Variants in IL1RAPL2 observed in about 807,000 individuals in gnomAD.
IL1RAPL2 encodes the protein X-linked interleukin-1 receptor accessory protein-like 2.
Under a neutral mutation model 44.1 loss-of-function variants are expected in IL1RAPL2, and 3 were observed. That is an observed-to-expected ratio of 0.07 (90% CI 0.03 to 0.18). The LOEUF is 0.18. Ranked by LOEUF, IL1RAPL2 falls within the 10% of genes least tolerant of loss-of-function variation. The probability of loss-of-function intolerance (pLI) is 1.00; values close to 1 mark genes in which losing one functional copy is unlikely to be tolerated. For missense variants in IL1RAPL2, 391 were observed against 496.4 expected (o/e 0.79, Z 2.02); for synonymous variants, 181 against 178.8 (o/e 1.01, Z -0.10).
chrX:105,075,774 A>G (rs10061220), intron 2 of IL1RAPL2, among the ~76,000 whole-genome samples: 3 of 110,970 alleles, frequency 2.7e-5, no homozygotes, highest in Non-Finnish European at 3.8e-5. Context: ...GTCTTGGGAG[A>G]GTGTATGTGT....
chrX:105,719,341 C>T (rs1272673613), intron 7 of IL1RAPL2, among the ~76,000 whole-genome samples: 5 of 111,660 alleles, frequency 4.5e-5, no homozygotes, highest in Non-Finnish European at 9.4e-5. Context: ...CAATAAGCAA[C>T]TTTATAGAAA....
chrX:105,576,940 T>C (rs1021086970), intron 6 of IL1RAPL2, among the ~76,000 whole-genome samples: 15 of 111,757 alleles, frequency 1.3e-4, no homozygotes, highest in Non-Finnish European at 2.6e-4. Context: ...AAGTCATTGG[T>C]ATGACAAGAC....
At chrX:105,647,433 T>C (rs1249848625) in intron 6 of IL1RAPL2, among the ~76,000 whole-genome samples, 1 of 112,075 alleles carries the variant, frequency 8.9e-6, no homozygotes, top group Non-Finnish European at 1.9e-5. Flanking sequence ...CCTCCCCCTG[T>C]ACTCTCAGGC....
chrX:104,971,070 G>C (rs1006843217), intron 2 of IL1RAPL2, among the ~76,000 whole-genome samples: 4 of 112,070 alleles, frequency 3.6e-5, no homozygotes, highest in Non-Finnish European at 7.5e-5. Flanking sequence ...CTACGAGGCC[G>C]GGCATGGTGG....
chrX:105,500,356 C>A (rs763494515), intron 6 of IL1RAPL2, among the ~76,000 whole-genome samples: 27 of 108,305 alleles, frequency 2.5e-4, no homozygotes, highest in Non-Finnish European at 2.5e-4. Context: ...AAAAAAAAAA[C>A]CAAAAATACA....
chrX:105,412,319 T>G (rs1361764563), intron 5 of IL1RAPL2, among the ~76,000 whole-genome samples: 1 of 73,527 alleles, frequency 1.4e-5, no homozygotes, highest in Non-Finnish European at 2.0e-5. Context: ...TATATATATA[T>G]ATATATATAT....
chrX:105,129,711 C>T (rs1035636244), intron 2 of IL1RAPL2, among the ~76,000 whole-genome samples: 3 of 110,498 alleles, frequency 2.7e-5, no homozygotes, highest in Admixed American at 9.6e-5. Context: ...CCTTAGTATG[C>T]AGCCCAATAC....
intron 2 of IL1RAPL2, among the ~76,000 whole-genome samples, chrX:104,851,370 A>G (rs1378185357): frequency 8.9e-6 from 1 of 112,156 alleles, no homozygotes. Flanking sequence ...CAGAATATAA[A>G]CTAGAGTTCT....
At chrX:105,456,060 G>C (rs755825058) in intron 5 of IL1RAPL2, among the ~76,000 whole-genome samples, 6 of 111,658 alleles carry the variant, frequency 5.4e-5, no homozygotes, top group Non-Finnish European at 9.4e-5. Context: ...GTATTCCTAG[G>C]TATTGTATTC....
At chrX:105,432,482 T>C (rs959266330) in intron 5 of IL1RAPL2, among the ~76,000 whole-genome samples, 2 of 110,660 alleles carry the variant, frequency 1.8e-5, no homozygotes, top group Non-Finnish European at 3.8e-5. Context: ...TTCCCTGTGG[T>C]TGGCTGTGGA....
intron 6 of IL1RAPL2, among the ~76,000 whole-genome samples, chrX:105,491,223 T>A (rs1402723415): frequency 9.0e-6 from 1 of 111,334 alleles, no homozygotes; most frequent in Non-Finnish European, 1.9e-5. Flanking sequence ...TTATTTTTTT[T>A]TATACTTTAA....
At chrX:105,479,768 TAAAATA>T (rs1351377076) in intron 5 of IL1RAPL2, among the ~76,000 whole-genome samples, 1 of 107,717 alleles carries the variant, frequency 9.3e-6, no homozygotes, top group African/African-American at 3.4e-5. Context: ...TAAAATAAAA[TAAAATA>T]AAATAAAATA....
At chrX:104,667,065 C>A (rs375074886) in intron 2 of IL1RAPL2, among the ~76,000 whole-genome samples, 112 of 110,859 alleles carry the variant, frequency 1.0e-3, no homozygotes, top group African/African-American at 3.5e-3. Flanking sequence ...AAGAGTCAGG[C>A]CCTGCCTCTC....
chrX:105,149,689 A>T (rs900860500), intron 2 of IL1RAPL2, among the ~76,000 whole-genome samples: 1 of 109,942 alleles, frequency 9.1e-6, no homozygotes, highest in Non-Finnish European at 1.9e-5. Context: ...AAAAATTAGC[A>T]GGGTGTGTTA....
At chrX:105,194,879 G>A (rs1277280817) in intron 2 of IL1RAPL2, among the ~76,000 whole-genome samples, 1 of 111,383 alleles carries the variant, frequency 9.0e-6, no homozygotes, top group East Asian at 2.8e-4. Context: ...ATCAGAGACT[G>A]GTCTTCCACC....
chrX:104,909,432 G>A (rs1167220350), intron 2 of IL1RAPL2, among the ~76,000 whole-genome samples: 2 of 111,795 alleles, frequency 1.8e-5, no homozygotes, highest in Non-Finnish European at 3.8e-5. Context: ...GCTTTTTAGA[G>A]TTTCCAGTTT....
intron 6 of IL1RAPL2, among the ~76,000 whole-genome samples, chrX:105,618,455 T>C (rs2037394652): frequency 9.2e-6 from 1 of 108,922 alleles, no homozygotes; most frequent in South Asian, 3.9e-4. Flanking sequence ...AAAAAAAAGG[T>C]TTCAGTTAAG....
intron 6 of IL1RAPL2, among the ~76,000 whole-genome samples, chrX:105,591,763 T>C (rs938641168): frequency 1.8e-5 from 2 of 111,990 alleles, no homozygotes; most frequent in African/African-American, 6.5e-5. Flanking sequence ...CTATTTTTAC[T>C]GCACTGTGGT....
rs1005696152 is a variant in IL1RAPL2, at chrX:104,890,561, T to A, written c.82+231566T>A. Among the ~76,000 whole-genome samples, 7 of 112,533 alleles carry A rather than the reference T, an allele frequency of 6.2e-5. 2 individuals carry two copies. Among genetic ancestry groups the A allele is most frequent in the Admixed American group, 2.8e-4 (3 of 10,633 alleles). ...CTCTGATGGCCAGTGATGATGAGCA[T>A]GTTTTCATGGGTCTGTTGGATGCAT... is the stretch of plus-strand genomic sequence containing the variant. On this transcript the variant is annotated intron_variant, in intron 2 of 10. Transcript: ENST00000372582.
Sources: gnomAD v4.1 joint callset for allele counts (sites outside exome capture counted in the v4.1 genomes callset) on GRCh38, gnomAD v4.1.1 for gene constraint, MANE v1.5 for transcripts, NCBI Gene and HGNC (gene_info 2026-07-23, HGNC 2026-07-21) for gene names.